The following MAGI1 variants were observed in gnomAD, a reference collection of about 807,000 sequenced individuals.
The protein encoded by MAGI1 is membrane-associated guanylate kinase, WW and PDZ domain-containing protein 1.
Under a neutral mutation model 139.9 loss-of-function variants are expected in MAGI1, and 58 were observed. The ratio of observed to expected loss-of-function variants is 0.41; its 90% CI spans 0.34 to 0.52. The LOEUF (loss-of-function observed/expected upper bound fraction) is 0.52, where lower values mean the gene tolerates loss of function less well. MAGI1 is among the 20% of genes least tolerant of loss of function. The pLI, the probability that MAGI1 is intolerant of heterozygous loss-of-function variation, is 0.12. For missense variants in MAGI1, 1,874 were observed against 1,901.6 expected (o/e 0.99, Z 0.27); for synonymous variants, 812 against 737.9 (o/e 1.10, Z -1.63).
chr3:65,353,606 A>C lies in MAGI1; in HGVS notation c.*2772T>G, dbSNP rs1304163997. 1.3e-5 allele frequency: 2 copies of C among 152,216 alleles called. No homozygotes were observed. Among genetic ancestry groups the C allele is most frequent in the African/African-American group, 4.8e-5 (2 of 41,452 alleles). The allele number at this position is 152,216 out of a possible 1,614,324, so 9.4% of individuals were successfully genotyped here. A position where few individuals can be genotyped will look rare whatever the true frequency, so the allele number is the denominator to read the frequency against. ...ATCTTTCACAAAAGAAACTTAAAAA[A>C]TACAATTAGGGTGTTGAGTCCTCCC... On this transcript the variant is annotated 3_prime_UTR_variant, in exon 23 of 23. Coordinates refer to ENST00000402939, the MANE Select transcript of MAGI1 (RefSeq NM_001033057.2).
Position 65,682,087 on chromosome 3 carries a change from G to GA in MAGI1, c.314-60000dup, listed in dbSNP as rs1458732906. Among the ~76,000 whole-genome samples, 6 of 151,702 alleles carry GA rather than the reference G, an allele frequency of 4.0e-5. No individual in the cohort carries two copies. In the East Asian group the frequency reaches 5.8e-4, roughly 15 times the overall value. ...GGGTTAGCTTTTAGCGTACTCAGAG[G>GA]AAAAAAGAAAAAATTCCCTGGAAAA... On this transcript the variant is annotated intron_variant, in intron 1 of 22. Coordinates refer to ENST00000402939, the MANE Select transcript of MAGI1 (RefSeq NM_001033057.2).
chr3:65,616,813 C>A (rs2083396757), intron 2 of MAGI1, among the ~76,000 whole-genome samples: 1 of 152,198 alleles, frequency 6.6e-6, no homozygotes, highest in African/African-American at 2.4e-5. Context: ...TTCCAGGAGA[C>A]AAACTATTTT....
intron 12 of MAGI1, among the ~76,000 whole-genome samples, chr3:65,424,389 G>T (rs1559542492): frequency 6.6e-6 from 1 of 152,158 alleles, no homozygotes; most frequent in Non-Finnish European, 1.5e-5. Flanking sequence ...GGTTCCCCAG[G>T]AAGTGCCAGA....
At chr3:65,881,415 C>T (rs892958437) in intron 1 of MAGI1, among the ~76,000 whole-genome samples, 1 of 152,082 alleles carries the variant, frequency 6.6e-6, no homozygotes, top group Admixed American at 6.5e-5. Flanking sequence ...TCACTCGAGG[C>T]CAGGAGTCCA....
intron 1 of MAGI1, among the ~76,000 whole-genome samples, chr3:65,866,158 T>G (rs908194301): frequency 1.3e-5 from 2 of 151,390 alleles, no homozygotes; most frequent in Non-Finnish European, 2.9e-5. Context: ...AAATATATAC[T>G]ACGTATAAAG....
At chr3:65,957,917 C>G (rs1330562848) in intron 1 of MAGI1, among the ~76,000 whole-genome samples, 3 of 151,870 alleles carry the variant, frequency 2.0e-5, no homozygotes, top group East Asian at 3.9e-4. Context: ...TACATGCATG[C>G]AGCACCACGC....
chr3:66,009,403 G>C (rs965591545), intron 1 of MAGI1, among the ~76,000 whole-genome samples: 4 of 152,058 alleles, frequency 2.6e-5, no homozygotes, highest in Admixed American at 1.3e-4. Flanking sequence ...CCAGCTACCC[G>C]GGAGGCTGAG....
chr3:65,669,507 T>C (rs1031962940), intron 1 of MAGI1, among the ~76,000 whole-genome samples: 12 of 152,196 alleles, frequency 7.9e-5, no homozygotes, highest in African/African-American at 2.9e-4. Flanking sequence ...ACAAGCAGAA[T>C]GTCTTGAAGA....
intron 1 of MAGI1, among the ~76,000 whole-genome samples, chr3:65,755,040 A>T (rs2036452725): frequency 6.6e-6 from 1 of 151,538 alleles, no homozygotes; most frequent in South Asian, 2.1e-4. Flanking sequence ...TGCAACCTCC[A>T]TGTCCTGGGT....
chr3:65,909,745 C>G (rs1006214323), intron 1 of MAGI1, among the ~76,000 whole-genome samples: 1 of 152,112 alleles, frequency 6.6e-6, no homozygotes, highest in African/African-American at 2.4e-5. Flanking sequence ...TTAGCTGCTG[C>G]CCGCTTTATT....
chr3:66,028,270 A>T (rs1294854814), intron 1 of MAGI1, among the ~76,000 whole-genome samples: 1 of 152,154 alleles, frequency 6.6e-6, no homozygotes, highest in African/African-American at 2.4e-5. Context: ...AAAAGAAAAG[A>T]TCACAGCTGC....
chr3:65,750,410 C>T (rs542289226), intron 1 of MAGI1, among the ~76,000 whole-genome samples: 1 of 152,162 alleles, frequency 6.6e-6, no homozygotes, highest in African/African-American at 2.4e-5. Flanking sequence ...AAAAAATCTA[C>T]CATTACAATC....
intron 1 of MAGI1, among the ~76,000 whole-genome samples, chr3:65,935,085 C>T (rs559717130): frequency 3.3e-5 from 5 of 152,044 alleles, no homozygotes; most frequent in African/African-American, 1.2e-4. Context: ...GTTACAGTTC[C>T]CCAAATCTAG....
chr3:65,874,798 T>A (rs1043554440), intron 1 of MAGI1: 1 of 152,458 alleles, frequency 6.6e-6, no homozygotes, highest in African/African-American at 2.4e-5. Context: ...CACAAAAACC[T>A]GTACATGAAT....
At chr3:65,837,282 C>G (rs2042865776) in intron 1 of MAGI1, among the ~76,000 whole-genome samples, 1 of 152,182 alleles carries the variant, frequency 6.6e-6, no homozygotes. Context: ...TCCATCAGGG[C>G]TGTCATTTCT....
At chr3:65,754,439 G>C (rs1356442737) in intron 1 of MAGI1, among the ~76,000 whole-genome samples, 1 of 152,100 alleles carries the variant, frequency 6.6e-6, no homozygotes, top group Non-Finnish European at 1.5e-5. Context: ...CACTTGTTTT[G>C]GTCCCCAGAT....
intron 1 of MAGI1, among the ~76,000 whole-genome samples, chr3:66,007,635 C>A (rs935321100): frequency 6.6e-6 from 1 of 152,122 alleles, no homozygotes; most frequent in African/African-American, 2.4e-5. Context: ...CTGATGCTTC[C>A]GAGGAAACAT....
intron 8 of MAGI1, among the ~76,000 whole-genome samples, chr3:65,441,340 T>C (rs953944368): frequency 1.6e-4 from 25 of 152,212 alleles, no homozygotes; most frequent in African/African-American, 5.5e-4. Context: ...TCTAAGTTTT[T>C]TAAAAAGCTA....
chr3:65,930,853 G>A (rs910428069), intron 1 of MAGI1, among the ~76,000 whole-genome samples: 6 of 152,102 alleles, frequency 3.9e-5, no homozygotes, highest in African/African-American at 1.4e-4. Context: ...GGAAGTTACC[G>A]TATATGGTCT....
Sources: gnomAD v4.1 joint callset for allele counts (sites outside exome capture counted in the v4.1 genomes callset) on GRCh38, gnomAD v4.1.1 for gene constraint, MANE v1.5 for transcripts, NCBI Gene and HGNC (gene_info 2026-07-23, HGNC 2026-07-21) for gene names.